Variants in PTPRT observed in about 807,000 individuals in gnomAD.
The protein encoded by PTPRT is protein tyrosine phosphatase receptor type T, also known as receptor-type tyrosine-protein phosphatase T.
A neutral mutation model predicts 176.8 loss-of-function variants in PTPRT; 56 were observed. The ratio of observed to expected loss-of-function variants is 0.32; its 90% CI spans 0.26 to 0.40. The LOEUF (loss-of-function observed/expected upper bound fraction) is 0.40. Among genes scored for constraint, PTPRT ranks in the 10% least tolerant of loss-of-function variants. PTPRT has a pLI of 1.00. For missense variants in PTPRT, 1,540 were observed against 1,908.2 expected, an observed-to-expected ratio of 0.81 and a Z score of 3.60; for synonymous variants, 783 against 739.0, an observed-to-expected ratio of 1.06 and a Z score of -0.96.
intron 6 of PTPRT, among the ~76,000 whole-genome samples, chr20:42,707,181 GT>G (rs541904233): frequency 6.6e-6 from 1 of 151,836 alleles, no homozygotes; most frequent in Admixed American, 6.6e-5. Flanking sequence ...TTTGTTTGTT[GT>G]TTTTTTTGCC....
intron 9 of PTPRT, among the ~76,000 whole-genome samples, chr20:42,369,752 G>A (rs1325684573): frequency 1.3e-5 from 2 of 152,160 alleles, no homozygotes; most frequent in Admixed American, 6.5e-5. Flanking sequence ...AGACAATGGG[G>A]AAGAGAAAAG....
At chr20:42,716,625 G>C (rs1285378053) in intron 6 of PTPRT, among the ~76,000 whole-genome samples, 1 of 151,990 alleles carries the variant, frequency 6.6e-6, no homozygotes, top group African/African-American at 2.4e-5. Flanking sequence ...AAATTTGTTT[G>C]AGTTCGTTGT....
intron 8 of PTPRT, among the ~76,000 whole-genome samples, chr20:42,471,434 G>A (rs1162278106): frequency 1.3e-5 from 2 of 152,120 alleles, no homozygotes; most frequent in African/African-American, 2.4e-5. Context: ...CTGGTTAAGT[G>A]TGTGGCACCG....
intron 6 of PTPRT, among the ~76,000 whole-genome samples, chr20:42,754,166 TATA>T (rs1216656550): frequency 1.3e-5 from 2 of 150,144 alleles, no homozygotes; most frequent in Non-Finnish European, 3.0e-5. Context: ...ATAATACAAA[TATA>T]ATAATAATAA....
At chr20:42,557,820 TC>T (rs2072886103) in intron 7 of PTPRT, among the ~76,000 whole-genome samples, 1 of 152,176 alleles carries the variant, frequency 6.6e-6, no homozygotes, top group Non-Finnish European at 1.5e-5. Context: ...ATAGCCCAGC[TC>T]CAATGTTGAA....
At chr20:42,505,445 G>T (rs925797348) in intron 7 of PTPRT, among the ~76,000 whole-genome samples, 3 of 152,034 alleles carry the variant, frequency 2.0e-5, no homozygotes, top group African/African-American at 7.2e-5. Flanking sequence ...GGGATTACAG[G>T]CGCCCACCAC....
chr20:42,378,264 A>G (rs1600920084), intron 9 of PTPRT, among the ~76,000 whole-genome samples: 2 of 152,164 alleles, frequency 1.3e-5, no homozygotes, highest in East Asian at 1.9e-4. Flanking sequence ...TCTCTTAAAT[A>G]TATTAGGAGT....
intron 6 of PTPRT, among the ~76,000 whole-genome samples, chr20:42,697,770 C>T (rs1172158574): frequency 3.9e-5 from 6 of 152,194 alleles, no homozygotes; most frequent in Non-Finnish European, 7.3e-5. Context: ...GCATGCTCTG[C>T]TTCAAAGATA....
intron 1 of PTPRT, among the ~76,000 whole-genome samples, chr20:43,067,339 T>C (rs1244851400): frequency 6.6e-6 from 1 of 152,212 alleles, no homozygotes; most frequent in Non-Finnish European, 1.5e-5. Flanking sequence ...GGAGAGTGAC[T>C]GTTTAATGGG....
chr20:42,930,128 G>A (rs1979738461), intron 1 of PTPRT, among the ~76,000 whole-genome samples: 1 of 152,194 alleles, frequency 6.6e-6, no homozygotes, highest in African/African-American at 2.4e-5. Flanking sequence ...AAGAGGACAG[G>A]GAAAGGACTT....
intron 27 of PTPRT, among the ~76,000 whole-genome samples, chr20:42,096,515 A>G (rs1171664563): frequency 6.6e-6 from 1 of 152,146 alleles, no homozygotes; most frequent in Non-Finnish European, 1.5e-5. Context: ...AGGCATGAGA[A>G]TCACTTGAAC....
intron 9 of PTPRT, among the ~76,000 whole-genome samples, chr20:42,364,969 T>C (rs149643020): frequency 6.6e-6 from 1 of 152,360 alleles, no homozygotes; most frequent in Non-Finnish European, 1.5e-5. Flanking sequence ...TGGTCATTTA[T>C]AGCTGCACTG....
chr20:42,700,588 AT>A (rs1425555507), intron 6 of PTPRT, among the ~76,000 whole-genome samples: 3 of 152,210 alleles, frequency 2.0e-5, no homozygotes, highest in African/African-American at 7.2e-5. Context: ...AAACAGTAGA[AT>A]AAAGCCCAAA....
intron 13 of PTPRT, among the ~76,000 whole-genome samples, chr20:42,278,106 T>TAC (rs2057076888): frequency 1.1e-5 from 1 of 88,264 alleles, no homozygotes; most frequent in African/African-American, 4.0e-5. Context: ...TATATATATA[T>TAC]ATATATATAT....
intron 1 of PTPRT, among the ~76,000 whole-genome samples, chr20:43,089,403 T>A (rs1209710552): frequency 6.6e-6 from 1 of 152,188 alleles, no homozygotes; most frequent in Non-Finnish European, 1.5e-5. Flanking sequence ...GCATTGCTAA[T>A]ATAAACTGCC....
intron 1 of PTPRT, among the ~76,000 whole-genome samples, chr20:43,184,853 C>A (rs2015351577): frequency 6.6e-6 from 1 of 152,134 alleles, no homozygotes; most frequent in African/African-American, 2.4e-5. Context: ...CTCTTTAGCA[C>A]CTGCAACTCT....
At chr20:43,017,424 A>C (rs555812947) in intron 1 of PTPRT, among the ~76,000 whole-genome samples, 2 of 150,610 alleles carry the variant, frequency 1.3e-5, no homozygotes, top group Admixed American at 6.6e-5. Flanking sequence ...CCTCCGGCCC[A>C]CCTCGGTCTT....
At chr20:42,622,245 ATT>A (rs368250330) in intron 7 of PTPRT, among the ~76,000 whole-genome samples, 30,796 of 146,704 alleles carry the variant, frequency 0.21, 4,335 homozygotes, top group African/African-American at 0.41. Context: ...ATGGACTTAA[ATT>A]TTTTTTTTTT....
intron 16 of PTPRT, among the ~76,000 whole-genome samples, chr20:42,162,993 T>C (rs766955058): frequency 2.0e-5 from 3 of 152,218 alleles, no homozygotes; most frequent in South Asian, 2.1e-4. Flanking sequence ...AGTTTTAACA[T>C]TGAAAGTACA....
Sources: allele counts gnomAD v4.1 joint callset (sites outside exome capture counted in the v4.1 genomes callset), GRCh38; gene constraint gnomAD v4.1.1; transcripts MANE v1.5; gene names NCBI Gene and HGNC (gene_info 2026-07-23, HGNC 2026-07-21).